MCTP1: variants seen among roughly 807,000 people sequenced by gnomAD.
MCTP1 encodes the protein multiple C2 and transmembrane domain-containing protein 1.
Under a neutral mutation model 120.6 loss-of-function variants are expected in MCTP1, and 69 were observed. The observed-to-expected ratio is 0.57, with a 90% confidence interval of 0.47 to 0.70. The LOEUF is 0.70. Among genes scored for constraint, MCTP1 ranks in the 30% least tolerant of loss-of-function variants. MCTP1 has a pLI of 0.00. For missense variants in MCTP1, 1,203 were observed against 1,248.8 expected (o/e 0.96, Z 0.55); for synonymous variants, 529 against 493.1 (o/e 1.07, Z -0.96).
intron 10 of MCTP1, among the ~76,000 whole-genome samples, chr5:94,903,335 A>G (rs1581261822): frequency 6.6e-6 from 1 of 152,214 alleles, no homozygotes; most frequent in Non-Finnish European, 1.5e-5. Flanking sequence ...ATCAGAATCT[A>G]TGGAGTGTCA....
rs994043778 is a variant in MCTP1 at position 95,212,558 on chromosome 5, C to A, written c.720+71298G>T. ...TACCAAAGCCGCGCACAGACACAAC[C>A]AAAAAAGAGAATTTTAGACCAATAT... is the stretch of plus-strand genomic sequence containing the variant. On this transcript the variant is annotated intron_variant, in intron 1 of 22. Transcript: ENST00000515393. 3.7e-3 allele frequency among the ~76,000 whole-genome samples: 562 copies of A among 151,796 alleles called. 5 individuals are homozygous for A. Among genetic ancestry groups the A allele is most frequent in the African/African-American group, 0.013 (531 of 41,388 alleles).
At chr5:95,171,309 G>C (rs1016751658) in intron 1 of MCTP1, among the ~76,000 whole-genome samples, 1 of 152,130 alleles carries the variant, frequency 6.6e-6, no homozygotes, top group Non-Finnish European at 1.5e-5. Flanking sequence ...TCCCTTTGTG[G>C]ATAACCCCAC....
chr5:94,967,859 C>G (rs1324752755), intron 2 of MCTP1, among the ~76,000 whole-genome samples: 1 of 152,184 alleles, frequency 6.6e-6, no homozygotes, highest in Non-Finnish European at 1.5e-5. Flanking sequence ...ATTTTCTCTG[C>G]TTTGTTTTGA....
intron 1 of MCTP1, among the ~76,000 whole-genome samples, chr5:95,212,105 T>C (rs1752453710): frequency 1.3e-5 from 2 of 151,744 alleles, no homozygotes; most frequent in South Asian, 2.1e-4. Context: ...ATCAACAAAA[T>C]TGACAGACTG....
chr5:95,181,303 C>G (rs1748566627), intron 1 of MCTP1, among the ~76,000 whole-genome samples: 1 of 152,208 alleles, frequency 6.6e-6, no homozygotes, highest in Non-Finnish European at 1.5e-5. Flanking sequence ...AATTCTCTCC[C>G]TCTAGCTCAC....
intron 2 of MCTP1, among the ~76,000 whole-genome samples, chr5:94,953,578 G>A (rs1298552133): frequency 1.3e-5 from 2 of 150,810 alleles, no homozygotes; most frequent in Admixed American, 6.6e-5. Context: ...GATCTTAATC[G>A]TGTAACCTTG....
At chr5:94,923,395 T>A (rs533093470) in intron 7 of MCTP1, among the ~76,000 whole-genome samples, 1 of 152,306 alleles carries the variant, frequency 6.6e-6, no homozygotes, top group South Asian at 2.1e-4. Context: ...GCTTTAATCA[T>A]CAAAGAGTAA....
chr5:94,994,676 GT>G (rs1232680768), intron 2 of MCTP1, among the ~76,000 whole-genome samples: 1 of 152,148 alleles, frequency 6.6e-6, no homozygotes. Flanking sequence ...GAAAAGTATT[GT>G]TCCTGGGTGT....
intron 10 of MCTP1, among the ~76,000 whole-genome samples, chr5:94,908,953 G>C (rs1161804623): frequency 6.6e-6 from 1 of 151,974 alleles, no homozygotes; most frequent in East Asian, 1.9e-4. Context: ...TATGGTCTTT[G>C]TTCCTTTATG....
intron 12 of MCTP1, among the ~76,000 whole-genome samples, chr5:94,886,050 A>T (rs1270865930): frequency 1.3e-5 from 2 of 152,218 alleles, no homozygotes; most frequent in African/African-American, 4.8e-5. Context: ...GAGACCGAAG[A>T]AAAAACTACC....
intron 1 of MCTP1, among the ~76,000 whole-genome samples, chr5:95,223,676 G>C (rs78860980): frequency 1.3e-5 from 2 of 151,934 alleles, no homozygotes; most frequent in Non-Finnish European, 2.9e-5. Flanking sequence ...GAAAAATTAT[G>C]GCAATAATAG....
chr5:94,916,236 T>C (rs912188884), intron 8 of MCTP1, among the ~76,000 whole-genome samples: 2 of 152,184 alleles, frequency 1.3e-5, no homozygotes, highest in African/African-American at 4.8e-5. Context: ...GTAAAAGATA[T>C]AAACATAGGC....
chr5:95,232,116 A>T (rs1352879324), intron 1 of MCTP1, among the ~76,000 whole-genome samples: 1 of 148,704 alleles, frequency 6.7e-6, no homozygotes, highest in African/African-American at 2.5e-5. Flanking sequence ...TGATCCCTGG[A>T]GGATAAAACC....
chr5:94,715,130 C>T (rs1175393506), intron 19 of MCTP1, among the ~76,000 whole-genome samples: 1 of 151,974 alleles, frequency 6.6e-6, no homozygotes, highest in Non-Finnish European at 1.5e-5. Context: ...GGTTCCTTTG[C>T]TCTTGCCCTG....
chr5:94,766,672 T>TA (rs35421224), intron 19 of MCTP1, among the ~76,000 whole-genome samples: 38,062 of 143,172 alleles, frequency 0.27, 5,171 homozygotes, highest in East Asian at 0.34. Context: ...AAAGTATAGT[T>TA]AAAAAAAAAA....
At chr5:95,164,299 T>TA (rs1746077530) in intron 1 of MCTP1, among the ~76,000 whole-genome samples, 4 of 136,106 alleles carry the variant, frequency 2.9e-5, no homozygotes, top group East Asian at 3.0e-4. Flanking sequence ...CTTATTCACA[T>TA]CAAAAAAAAA....
At chr5:94,859,698 C>A (rs2153231653) in intron 17 of MCTP1, among the ~76,000 whole-genome samples, 1 of 151,874 alleles carries the variant, frequency 6.6e-6, no homozygotes. Flanking sequence ...ATGTAGCTAT[C>A]TGAACTTCTA....
chr5:94,882,105 G>A (rs1011006738), intron 12 of MCTP1, among the ~76,000 whole-genome samples: 1 of 152,040 alleles, frequency 6.6e-6, no homozygotes, highest in African/African-American at 2.4e-5. Flanking sequence ...GAAAGACTTT[G>A]GATTTATACT....
chr5:95,050,433 C>A (rs2151989799), intron 1 of MCTP1, among the ~76,000 whole-genome samples: 1 of 152,110 alleles, frequency 6.6e-6, no homozygotes, highest in Non-Finnish European at 1.5e-5. Flanking sequence ...CTTTATCTGC[C>A]TGGATGGGGC....
Sources: allele counts gnomAD v4.1 joint callset (sites outside exome capture counted in the v4.1 genomes callset), GRCh38; gene constraint gnomAD v4.1.1; transcripts MANE v1.5; gene names NCBI Gene and HGNC (gene_info 2026-07-23, HGNC 2026-07-21).